Variants in NPIPB2 observed in about 807,000 individuals in gnomAD.
The protein encoded by NPIPB2 is nuclear pore complex-interacting protein family member B2.
A neutral mutation model predicts 30.8 loss-of-function variants in NPIPB2; 27 were observed. That is an observed-to-expected ratio of 0.88 (90% CI 0.65 to 1.21). The LOEUF is 1.21. NPIPB2 is among the 50% of genes most tolerant of loss of function. The probability of loss-of-function intolerance (pLI) is 0.00; values close to 1 mark genes in which losing one functional copy is unlikely to be tolerated. For synonymous variants in NPIPB2, 147 were observed against 162.0 expected (o/e 0.91, Z 0.70); for missense variants, 440 against 446.2 (o/e 0.99, Z 0.13).
intron 1 of NPIPB2, chr16:11,967,587 A>G (rs1414422792): frequency 6.2e-7 from 1 of 1,613,236 alleles, no homozygotes; most frequent in Non-Finnish European, 8.5e-7. Flanking sequence ...TCTCCTGGGC[A>G]TGGCTAACAT....
rs544148259 is a variant in NPIPB2, at chr16:11,935,746, G to T, written c.192+1794C>A. On this transcript the variant is annotated intron_variant, in intron 2 of 7. Transcript: ENST00000399147. ...CTAAAAAGATGAAAAGAGCAACCAC[G>T]TCAATCCCACAGCTACTGCTAGATT... is the stretch of plus-strand genomic sequence containing the variant. 7.6e-4 allele frequency among the ~76,000 whole-genome samples: 108 copies of T among 141,566 alleles called. 5 individuals carry two copies. In the East Asian group the frequency reaches 0.02, roughly 27 times the overall value. The allele number at this position is 141,566 out of a possible 152,430, so 92.9% of individuals were successfully genotyped here.
intron 1 of NPIPB2, among the ~76,000 whole-genome samples, chr16:11,955,804 T>A (rs545410150): frequency 7.9e-6 from 1 of 125,934 alleles, no homozygotes; most frequent in South Asian, 2.6e-4. Context: ...AGTTACCCAA[T>A]GATGCTTCTT....
At chr16:11,965,514 G>A (rs1350494957) in intron 1 of NPIPB2, 7 of 1,536,904 alleles carry the variant, frequency 4.6e-6, no homozygotes, top group Admixed American at 1.8e-5. Flanking sequence ...TATATGGACT[G>A]CTTATTCAGA....
intron 1 of NPIPB2, chr16:11,965,360 A>G: frequency 3.7e-6 from 6 of 1,614,184 alleles, no homozygotes; most frequent in South Asian, 1.1e-5. Context: ...CCCAAAATGA[A>G]TATTTTGACA....
At chr16:11,965,107 A>G (rs1278041214) in intron 1 of NPIPB2, 2 of 589,428 alleles carry the variant, frequency 3.4e-6, no homozygotes, top group Non-Finnish European at 6.0e-6. Flanking sequence ...TACCCCATCC[A>G]AGACTCAAAC....
intron 1 of NPIPB2, chr16:11,941,196 C>T: frequency 6.6e-7 from 1 of 1,526,180 alleles, no homozygotes; most frequent in Non-Finnish European, 8.8e-7. Flanking sequence ...TGATAAATTC[C>T]AGCAGGAGCC....
intron 1 of NPIPB2, among the ~76,000 whole-genome samples, chr16:11,971,144 A>G (rs993947971): frequency 6.6e-6 from 1 of 152,056 alleles, no homozygotes; most frequent in African/African-American, 2.4e-5. Flanking sequence ...GGCATAAGCC[A>G]CCACGCCTGG....
intron 1 of NPIPB2, among the ~76,000 whole-genome samples, chr16:11,974,747 C>T (rs2055257916): frequency 6.6e-6 from 1 of 152,060 alleles, no homozygotes; most frequent in African/African-American, 2.4e-5. Flanking sequence ...AGTCCCTTTT[C>T]CCCGATGTGT....
intron 1 of NPIPB2, among the ~76,000 whole-genome samples, chr16:11,949,864 T>C (rs1026185152): frequency 2.0e-5 from 3 of 152,164 alleles, no homozygotes; most frequent in Non-Finnish European, 2.9e-5. Context: ...GAATGCGGCC[T>C]TTCCCCAGAG....
chr16:11,973,021 G>A (rs148729712), intron 1 of NPIPB2, among the ~76,000 whole-genome samples: 11 of 152,036 alleles, frequency 7.2e-5, no homozygotes, highest in Middle Eastern at 3.4e-3. Flanking sequence ...TTAGCCGGGC[G>A]CGGTGGCACA....
At chr16:11,927,427 C>A in exon 8 of NPIPB2, 3 of 1,149,452 alleles carry the variant, frequency 2.6e-6, no homozygotes, top group Non-Finnish European at 3.8e-6. Context: ...GCCTCTTGGG[C>A]TCGGGTGATG....
intron 2 of NPIPB2, among the ~76,000 whole-genome samples, chr16:11,934,343 C>T (rs1240074842): frequency 2.7e-5 from 4 of 149,804 alleles, no homozygotes; most frequent in Admixed American, 1.3e-4. Flanking sequence ...CACCTGAGGT[C>T]GGGAGTTTGA....
chr16:11,964,667 G>A (rs556221212), intron 1 of NPIPB2, among the ~76,000 whole-genome samples: 3 of 152,066 alleles, frequency 2.0e-5, no homozygotes, highest in African/African-American at 2.4e-5. Flanking sequence ...CACCTGCCTC[G>A]GCCTCCCAAA....
chr16:11,942,799 C>T (rs908168599), upstream of NPIPB2, among the ~76,000 whole-genome samples: 32 of 152,038 alleles, frequency 2.1e-4, no homozygotes, highest in South Asian at 5.2e-3. Flanking sequence ...CATCACCTTT[C>T]CTGGCCCTGT....
At chr16:11,951,462 A>G (rs2055061593) in intron 1 of NPIPB2, among the ~76,000 whole-genome samples, 1 of 147,408 alleles carries the variant, frequency 6.8e-6, no homozygotes, top group South Asian at 2.2e-4. Context: ...GACTGTCTCA[A>G]AAAAAAAAAA....
chr16:11,966,214 A>T, intron 1 of NPIPB2: 2 of 1,613,542 alleles, frequency 1.2e-6, no homozygotes, highest in Middle Eastern at 1.7e-4. Context: ...ATTCAGTGAA[A>T]GGAACGAATG....
intron 1 of NPIPB2, among the ~76,000 whole-genome samples, chr16:11,960,081 T>C (rs558292831): frequency 3.2e-4 from 48 of 152,300 alleles, no homozygotes; most frequent in African/African-American, 1.1e-3. Context: ...AGTCTGTACT[T>C]TGTGTTTTTC....
chr16:11,960,601 G>A (rs1007032023), intron 1 of NPIPB2, among the ~76,000 whole-genome samples: 5 of 151,724 alleles, frequency 3.3e-5, no homozygotes, highest in Admixed American at 6.6e-5. Context: ...CAGGTTATCC[G>A]CCCTCCTCAG....
At chr16:11,976,521 T>C (rs2055299908) in intron 1 of NPIPB2, 1 of 346,980 alleles carries the variant, frequency 2.9e-6, no homozygotes, top group South Asian at 1.5e-4. Context: ...GGAGGCGTCT[T>C]GGGCACTTGG....
Sources: allele counts gnomAD v4.1 joint callset (sites outside exome capture counted in the v4.1 genomes callset), GRCh38; gene constraint gnomAD v4.1.1; transcripts MANE v1.5; gene names NCBI Gene and HGNC (gene_info 2026-07-23, HGNC 2026-07-21).